The following EDRF1 variants were observed in gnomAD, a reference collection of about 807,000 sequenced individuals.
The protein encoded by EDRF1 is erythroid differentiation-related factor 1.
EDRF1 carries 69 observed loss-of-function variants against 148.7 expected under a neutral mutation model. That is an observed-to-expected ratio of 0.46 (90% confidence interval 0.38 to 0.57). The LOEUF (loss-of-function observed/expected upper bound fraction) is 0.57, where lower values mean the gene tolerates loss of function less well. EDRF1 is among the 20% of genes least tolerant of loss of function. The pLI is 0.00. For synonymous variants in EDRF1, 515 were observed against 532.8 expected (o/e 0.97, Z 0.46); for missense variants, 1,118 against 1,478.7 (o/e 0.76, Z 4.00).
intron 24 of EDRF1, among the ~76,000 whole-genome samples, chr10:125,757,734 T>G (rs1299285494): frequency 6.6e-6 from 1 of 152,248 alleles, no homozygotes; most frequent in Non-Finnish European, 1.5e-5. Context: ...TTTCATTCAG[T>G]ACTTTAAAGA....
At chr10:125,759,085 G>A (rs369760276) in intron 24 of EDRF1, among the ~76,000 whole-genome samples, 1 of 152,156 alleles carries the variant, frequency 6.6e-6, no homozygotes, top group Non-Finnish European at 1.5e-5. Flanking sequence ...CCCTGTCATA[G>A]GTCTACAGCA....
At chr10:125,745,995 A>C in intron 19 of EDRF1, 65 bp downstream of exon 19, 1 of 1,495,882 alleles carries the variant, frequency 6.7e-7, no homozygotes, top group Non-Finnish European at 9.3e-7. Context: ...ACATTTTGCC[A>C]GTTTCACTAA....
intron 11 of EDRF1, 49 bp from the exon 12 acceptor site, chr10:125,734,023 C>T (rs1848607463): frequency 7.0e-7 from 1 of 1,429,266 alleles, no homozygotes; most frequent in Non-Finnish European, 9.9e-7. Context: ...TTGAGTCTTG[C>T]AGACAACGAT....
At position 125,721,188 on chromosome 10, in the gene EDRF1, C is replaced by T; in HGVS notation, c.109-16C>T. On this transcript the variant is annotated splice_polypyrimidine_tract_variant and intron_variant, in intron 1 of 24. Coordinates refer to ENST00000356792, the MANE Select transcript of EDRF1 (RefSeq NM_001202438.2). Reference sequence around the variant, plus strand: ...TTAGTAATTTTCATTAAAGTTTCACCCAATGTGTTAATTAGGGATCAGCTT... The same window carrying T: ...TTAGTAATTTTCATTAAAGTTTCACTCAATGTGTTAATTAGGGATCAGCTT... The T allele has an allele frequency of 6.2e-7, 1 of 1,612,688 alleles. No homozygotes were observed. Among genetic ancestry groups the T allele is most frequent in the Non-Finnish European group, 8.5e-7 (1 of 1,178,860 alleles).
At chr10:125,727,355 C>G (rs1848306500) in intron 6 of EDRF1, among the ~76,000 whole-genome samples, 1 of 152,184 alleles carries the variant, frequency 6.6e-6, no homozygotes, top group African/African-American at 2.4e-5. Flanking sequence ...TTTATATTTG[C>G]AAGCTATCTC....
chr10:125,753,456 T>C (rs559684150), intron 23 of EDRF1, among the ~76,000 whole-genome samples: 2 of 152,346 alleles, frequency 1.3e-5, no homozygotes, highest in South Asian at 4.1e-4. Context: ...ATTTCTGCGT[T>C]GTGTCTAATG....
At position 125,725,834 on chromosome 10, in the gene EDRF1, G is replaced by C. The variant is rs1261467120; in HGVS notation, c.788G>C (p.Ser263Thr). Residue 263 changes from serine to threonine, a missense_variant, in exon 6 of 25, where the codon AGT (serine) becomes ACT (threonine). Transcript: ENST00000356792. ...GTTTCTGAAGATCCCAGTGCTTCCA[G>C]TCAGGTTAGTACTTAAATGCTAATT... ...SSVSEDPSAS[S>T]QGSEPLEPSY... 6 of 1,612,574 alleles carry C rather than the reference G, an allele frequency of 3.7e-6. No individual in the cohort carries two copies. The highest frequency in any genetic ancestry group is 5.1e-6 in the Non-Finnish European group (6 of 1,179,900).
At position 125,719,917 on chromosome 10, in the gene EDRF1, T is replaced by TG. The variant is rs756318027; in HGVS notation, c.108+3dup. On this transcript the variant is annotated splice_region_variant and intron_variant, in intron 1 of 24. Transcript: ENST00000356792. ...GAATCCGAGGAATCTTCTGCACAGG[T>TG]GAGTCCTCCGCGGAGGGGGACCTGC... 2 of 1,611,740 alleles carry TG rather than the reference T, an allele frequency of 1.2e-6. No individual in the cohort carries two copies. The highest frequency in any genetic ancestry group is 3.3e-5 in the Admixed American group (2 of 59,954).
chr10:125,735,284 A>G (rs1442308945), intron 12 of EDRF1, among the ~76,000 whole-genome samples: 1 of 152,124 alleles, frequency 6.6e-6, no homozygotes, highest in Non-Finnish European at 1.5e-5. Context: ...TGTAAAGAAA[A>G]ATTCTGGTTT....
At chr10:125,724,619 G>A (rs1017713948) in intron 4 of EDRF1, among the ~76,000 whole-genome samples, 3 of 152,176 alleles carry the variant, frequency 2.0e-5, no homozygotes, top group Non-Finnish European at 4.4e-5. Flanking sequence ...ATTGTTAAAT[G>A]ACACATGGCT....
At chr10:125,722,357 G>C (rs144723619) in intron 2 of EDRF1, among the ~76,000 whole-genome samples, 1 of 152,308 alleles carries the variant, frequency 6.6e-6, no homozygotes, top group Non-Finnish European at 1.5e-5. Context: ...TTGCACCTGA[G>C]AAAACGGAAG....
chr10:125,741,292 T>C (rs1849004700), intron 17 of EDRF1, 91 bp downstream of exon 17: 1 of 1,163,126 alleles, frequency 8.6e-7, no homozygotes. Flanking sequence ...GGTAGAAATA[T>C]TAGAGTTTTG....
intron 24 of EDRF1, among the ~76,000 whole-genome samples, chr10:125,756,507 T>C (rs1334100659): frequency 6.6e-6 from 1 of 152,234 alleles, no homozygotes; most frequent in Non-Finnish European, 1.5e-5. Flanking sequence ...TGTCTATTGC[T>C]ATCAATTTAC....
At chr10:125,748,182 C>G (rs1466671909) in intron 21 of EDRF1, 170 bp downstream of exon 21, 3 of 763,474 alleles carry the variant, frequency 3.9e-6, no homozygotes, top group South Asian at 3.1e-5. Flanking sequence ...GCCACTTAAA[C>G]AATATGTCCG....
intron 24 of EDRF1, among the ~76,000 whole-genome samples, chr10:125,759,747 G>C (rs1850098467): frequency 1.3e-5 from 2 of 151,052 alleles, no homozygotes; most frequent in African/African-American, 4.9e-5. Context: ...GTCTCGCTCT[G>C]TCGCCCACGC....
In EDRF1 at chr10:125,747,517, A is replaced by C. The variant is rs1363556511; in HGVS notation, c.2815-19A>C. ...TGTTTAAGCTGAGTCAGAAATGTAC[A>C]CTGTTTTCTCCTTTGCAGGCTATTG... On this transcript the variant is annotated intron_variant, in intron 19 of 24. Transcript: ENST00000356792. The C allele has an allele frequency of 6.2e-7, 1 of 1,613,988 alleles. No individual in the cohort carries two copies. The highest frequency in any genetic ancestry group is 8.5e-7 in the Non-Finnish European group (1 of 1,179,892).
intron 19 of EDRF1, chr10:125,747,140 G>C (rs1393888752): frequency 5.1e-6 from 1 of 197,528 alleles, no homozygotes. Context: ...GGGTAACAAG[G>C]TAGGAGGAGA....
chr10:125,722,264 A>G (rs745365729), intron 2 of EDRF1, among the ~76,000 whole-genome samples: 7 of 152,242 alleles, frequency 4.6e-5, no homozygotes, highest in Non-Finnish European at 7.3e-5. Context: ...TATTGACTCT[A>G]TACAAATGCT....
intron 3 of EDRF1, 82 bp downstream of exon 3, chr10:125,723,216 T>C: frequency 8.2e-7 from 1 of 1,214,978 alleles, no homozygotes; most frequent in Non-Finnish European, 1.2e-6. Flanking sequence ...TTGCATAATA[T>C]AAATGTGCAA....
Sources: allele counts gnomAD v4.1 joint callset (sites outside exome capture counted in the v4.1 genomes callset), GRCh38; gene constraint gnomAD v4.1.1; transcripts MANE v1.5; gene names NCBI Gene and HGNC (gene_info 2026-07-23, HGNC 2026-07-21).